ALS2CL: variants seen among roughly 807,000 people sequenced by gnomAD.
The protein encoded by ALS2CL is ALS2 C-terminal like.
Under a neutral mutation model 127.9 loss-of-function variants are expected in ALS2CL, and 112 were observed. That is an observed-to-expected ratio of 0.88 (90% CI 0.75 to 1.02). The LOEUF is 1.02. Ranked by LOEUF, ALS2CL falls within the 50% of genes least tolerant of loss-of-function variation. ALS2CL has a pLI of 0.00. For synonymous variants in ALS2CL, 519 were observed against 527.6 expected (o/e 0.98, Z 0.22); for missense variants, 1,174 against 1,236.7 (o/e 0.95, Z 0.76).
chr3:46,685,719 C>A, intron 6 of ALS2CL, 75 bp from the exon 7 acceptor site: 1 of 1,541,232 alleles, frequency 6.5e-7, no homozygotes, highest in Non-Finnish European at 8.8e-7. Flanking sequence ...TGCCACCTCC[C>A]AATGTACCCC....
Position 46,681,623 on chromosome 3 carries a change from G to C in ALS2CL, c.1176-25C>G. The C allele has an allele frequency of 6.2e-7, 1 of 1,611,668 alleles. No homozygotes were observed. The highest frequency in any genetic ancestry group is 8.5e-7 in the Non-Finnish European group (1 of 1,178,040). On this transcript the variant is annotated intron_variant, in intron 11 of 25. Transcript: ENST00000318962. The surrounding 1 kb of genome is among the most constrained non-coding windows in gnomAD (Gnocchi z 4.9). ...GCTGACAGCATGGTTGTGGGGGTGG[G>C]GATCAGCCCTGACCTGAGACGCCCA... is the stretch of plus-strand genomic sequence containing the variant.
At chr3:46,678,456 G>A in intron 15 of ALS2CL, 67 bp from the exon 16 acceptor site, 1 of 1,548,020 alleles carries the variant, frequency 6.5e-7, no homozygotes, top group Non-Finnish European at 8.7e-7. Flanking sequence ...ATCATGACAG[G>A]CCACAAGCCT....
chr3:46,674,554 G>A lies in ALS2CL; in HGVS notation c.2429+12C>T, dbSNP rs367838480. 2 of 1,607,590 alleles carry A rather than the reference G, an allele frequency of 1.2e-6. No individual in the cohort carries two copies. Among genetic ancestry groups the A allele is most frequent in the African/African-American group, 2.7e-5 (2 of 74,938 alleles). ...TCCTGGCTAACACGGCACGGGGGAA[G>A]GGAAGGCTTACTTCTGCACATCCAG... On this transcript the variant is annotated intron_variant, in intron 21 of 25. Coordinates refer to ENST00000318962, the MANE Select transcript of ALS2CL (RefSeq NM_147129.5).
intron 15 of ALS2CL, among the ~76,000 whole-genome samples, chr3:46,678,612 C>T (rs1699066409): frequency 6.6e-6 from 1 of 152,184 alleles, no homozygotes; most frequent in Non-Finnish European, 1.5e-5. Context: ...GGCTCGCTCA[C>T]CTCTGAGGTA....
intron 1 of ALS2CL, among the ~76,000 whole-genome samples, chr3:46,691,397 C>T (rs1306258473): frequency 2.6e-5 from 4 of 152,106 alleles, no homozygotes; most frequent in Non-Finnish European, 5.9e-5. Context: ...CAGTAAATAA[C>T]TCGCTGCTAG....
chr3:46,691,722 C>CTT (rs1029410954), intron 1 of ALS2CL, among the ~76,000 whole-genome samples: 1,564 of 134,660 alleles, frequency 0.012, 25 homozygotes, highest in African/African-American at 0.038. Flanking sequence ...TCTTTCTATT[C>CTT]TTTTTTTTTT....
In ALS2CL at chr3:46,680,460, G is replaced by A; in HGVS notation, c.1518C>T (p.Tyr506=). ...TCTTGTCCGCCTGGAAGGTGCCCTG[G>A]TAGCAGACACCTGCCTGGGTGACCA... ...GVMVTQAGVC[Y]QGTFQADKTV... Residue 506 remains tyrosine, a synonymous_variant, in exon 14 of 26, where the codon TAC becomes TAT. Coordinates refer to ENST00000318962, the MANE Select transcript of ALS2CL (RefSeq NM_147129.5). 6.2e-7 allele frequency: 1 copy of A among 1,613,472 alleles called. No individual in the cohort carries two copies. The highest frequency in any genetic ancestry group is 1.1e-5 in the South Asian group (1 of 91,090).
At position 46,681,718 on chromosome 3, in the gene ALS2CL, T is replaced by C; in HGVS notation, c.1176-120A>G. The C allele has an allele frequency of 1.0e-6, 1 of 984,914 alleles. No individual in the cohort carries two copies. The highest frequency in any genetic ancestry group is 1.5e-6 in the Non-Finnish European group (1 of 655,090). The allele number at this position is 984,914 out of a possible 1,614,324, so 61.0% of individuals were successfully genotyped here. Reference sequence around the variant, plus strand: ...AGCCTTCCAGACAACAGGGAGACTCTCAGAGGCCCTCAGCCTTCCTATCCT... The same window carrying C: ...AGCCTTCCAGACAACAGGGAGACTCCCAGAGGCCCTCAGCCTTCCTATCCT... On this transcript the variant is annotated intron_variant, in intron 11 of 25. Transcript: ENST00000318962. The surrounding 1 kb of genome is among the most constrained non-coding windows in gnomAD (Gnocchi z 4.9).
chr3:46,687,545 G>T, intron 4 of ALS2CL, 74 bp downstream of exon 4: 2 of 1,537,542 alleles, frequency 1.3e-6, no homozygotes, highest in Non-Finnish European at 8.9e-7. Flanking sequence ...CTCTGGGGAG[G>T]GGGCTTCCCC....
At chr3:46,673,191 G>A (rs1261853448) in intron 22 of ALS2CL, 148 bp downstream of exon 22, 1 of 786,526 alleles carries the variant, frequency 1.3e-6, no homozygotes, top group Non-Finnish European at 2.0e-6. Context: ...CACACTGGGA[G>A]GTCAGAATGA....
At chr3:46,687,591 G>A (rs1339008066) in intron 4 of ALS2CL, 28 bp downstream of exon 4, 1 of 1,610,532 alleles carries the variant, frequency 6.2e-7, no homozygotes, top group Admixed American at 1.7e-5. Flanking sequence ...CACCCTGTCA[G>A]GGGCCAGTGC....
intron 14 of ALS2CL, 72 bp downstream of exon 14, chr3:46,680,358 C>T: frequency 1.3e-6 from 2 of 1,483,504 alleles, no homozygotes; most frequent in Non-Finnish European, 1.9e-6. Flanking sequence ...TGAAAGGCCT[C>T]AGCTCAGCCT....
In ALS2CL at chr3:46,683,873, G is replaced by A. The variant is rs780992028; in HGVS notation, c.846-25C>T. 4 of 1,614,020 alleles carry A rather than the reference G, an allele frequency of 2.5e-6. No homozygotes were observed. The South Asian group carries it at 3.3e-5, about 13-fold the overall frequency. On this transcript the variant is annotated intron_variant, in intron 8 of 25. Transcript: ENST00000318962. ...CCTAGACAGACGGAGGTGATGAGTAGGCCCCAGCTTTGTCCAGGAGGGTGG... is the reference window on the plus strand; with the variant it reads ...CCTAGACAGACGGAGGTGATGAGTAAGCCCCAGCTTTGTCCAGGAGGGTGG...
intron 1 of ALS2CL, among the ~76,000 whole-genome samples, chr3:46,691,975 C>A (rs1376605504): frequency 6.6e-6 from 1 of 152,114 alleles, no homozygotes; most frequent in East Asian, 1.9e-4. Flanking sequence ...CACAAAGCAG[C>A]CTATGACTCC....
rs374258849 is a variant in ALS2CL at position 46,680,504 on chromosome 3, G to A, written c.1474C>T (p.Arg492Cys). ...RYIGMWQAGQRHGPGVMVTQA... is the reference protein window; with the variant it reads ...RYIGMWQAGQCHGPGVMVTQA... ...GTGACCATGACCCCTGGGCCGTGGC[G>A]CTGACCAGCCTGCCACATGCCAATG... The change falls in exon 14 of 26, where the codon CGC becomes TGC. Residue 492 changes from arginine (R) to cysteine (C), a missense_variant. Physicochemically the swap from Arg to Cys is radical, Grantham distance 180. Transcript: ENST00000318962. 115 of 1,612,904 alleles carry A rather than the reference G, an allele frequency of 7.1e-5. No individual in the cohort carries two copies. The highest frequency in any genetic ancestry group is 8.9e-5 in the East Asian group (4 of 44,896).
intron 1 of ALS2CL, among the ~76,000 whole-genome samples, chr3:46,691,237 G>A (rs1412728439): frequency 6.6e-6 from 1 of 152,200 alleles, no homozygotes; most frequent in Non-Finnish European, 1.5e-5. Context: ...CGCTTTGGGG[G>A]TGACCTTTTC....
chr3:46,693,572 C>A (rs923831025), intron 1 of ALS2CL, 71 bp downstream of exon 1: 4 of 152,380 alleles, frequency 2.6e-5, no homozygotes, highest in African/African-American at 7.2e-5. Flanking sequence ...GGCGGGAGCC[C>A]CCACCTGGAC....
chr3:46,677,995 C>T (rs559644042), intron 16 of ALS2CL, among the ~76,000 whole-genome samples: 205 of 60,266 alleles, frequency 3.4e-3, no homozygotes, highest in African/African-American at 0.015. Context: ...TGTATCCTTT[C>T]GAGACAAAAA....
intron 20 of ALS2CL, 21 bp from the exon 21 acceptor site, chr3:46,674,760 G>A: frequency 6.3e-7 from 1 of 1,576,536 alleles, no homozygotes. Context: ...GACCGGAACA[G>A]GTTGGGATGA....
Sources: allele counts gnomAD v4.1 joint callset (sites outside exome capture counted in the v4.1 genomes callset), GRCh38; gene constraint gnomAD v4.1.1; non-coding constraint Gnocchi (gnomAD v3.1); transcripts MANE v1.5; gene names NCBI Gene and HGNC (gene_info 2026-07-23, HGNC 2026-07-21).